The following TMEM87A variants were observed in gnomAD, a reference collection of about 807,000 sequenced individuals.
TMEM87A encodes the protein Golgi-pH regulating cation channel.
A neutral mutation model predicts 90.0 loss-of-function variants in TMEM87A; 50 were observed. The ratio of observed to expected loss-of-function variants is 0.56; its 90% CI spans 0.44 to 0.70. The LOEUF (loss-of-function observed/expected upper bound fraction) is 0.70, where lower values mean the gene tolerates loss of function less well. Ranked by LOEUF, TMEM87A falls within the 30% of genes least tolerant of loss-of-function variation. TMEM87A has a pLI of 0.00. For synonymous variants in TMEM87A, 226 were observed against 226.7 expected (o/e 1.00, Z 0.03); for missense variants, 577 against 660.5 (o/e 0.87, Z 1.39).
At position 42,217,785 on chromosome 15, in the gene TMEM87A, C is replaced by A. The variant is rs201316249; in HGVS notation, c.1626+18G>T. 13 of 1,610,792 alleles carry A rather than the reference C, an allele frequency of 8.1e-6. No individual in the cohort carries two copies. The Admixed American group carries it at 1.7e-4, about 21-fold the overall frequency. Reference sequence around the variant, plus strand: ...AGTCACCATATACATAATTTATGCACGTGAATTGAGTACCAACCTCATCTG... The same window carrying A: ...AGTCACCATATACATAATTTATGCAAGTGAATTGAGTACCAACCTCATCTG... On this transcript the variant is annotated intron_variant, in intron 19 of 19. Transcript: ENST00000389834.
chr15:42,226,950 C>T (rs762655659), intron 14 of TMEM87A, 41 bp from the exon 15 acceptor site: 3 of 1,561,228 alleles, frequency 1.9e-6, no homozygotes, highest in Non-Finnish European at 2.6e-6. Context: ...TACACATTAT[C>T]TTAACCCCTT....
intron 12 of TMEM87A, among the ~76,000 whole-genome samples, chr15:42,230,483 A>G (rs558722726): frequency 1.3e-5 from 2 of 152,230 alleles, no homozygotes; most frequent in African/African-American, 4.8e-5. Flanking sequence ...AACAAATTCA[A>G]TAAGATAAAG....
Position 42,239,746 on chromosome 15 carries a change from T to C in TMEM87A, c.623-15A>G, listed in dbSNP as rs201846305. On this transcript the variant is annotated splice_polypyrimidine_tract_variant and intron_variant, in intron 7 of 19. Coordinates refer to ENST00000389834, the MANE Select transcript of TMEM87A (RefSeq NM_015497.5). ...TTCAACAGTCACTGCCAAAACAGAG[T>C]CCTCAGAATTAATTTACAGGATGCA... 6.2e-7 allele frequency: 1 copy of C among 1,609,440 alleles called. No individual in the cohort carries two copies. Among genetic ancestry groups the C allele is most frequent in the East Asian group, 2.2e-5 (1 of 44,844 alleles).
intron 15 of TMEM87A, chr15:42,226,596 A>T (rs892517575): frequency 3.1e-5 from 16 of 512,834 alleles, no homozygotes; most frequent in Non-Finnish European, 4.9e-5. Flanking sequence ...GTATATAGAA[A>T]GGAAACTAAG....
chr15:42,273,250 C>T lies in TMEM87A; in HGVS notation c.144+5G>A, dbSNP rs555842171. Reference sequence around the variant, plus strand: ...GGTTCAGACGTTAGTGAAGTGAATACTCACCGACGGTATCGGAATGTGCCA... The same window carrying T: ...GGTTCAGACGTTAGTGAAGTGAATATTCACCGACGGTATCGGAATGTGCCA... On this transcript the variant is annotated splice_donor_5th_base_variant and intron_variant, in intron 1 of 19. Coordinates refer to ENST00000389834, the MANE Select transcript of TMEM87A (RefSeq NM_015497.5). 3.0e-5 allele frequency: 48 copies of T among 1,614,114 alleles called. No individual in the cohort carries two copies. In the East Asian group the frequency reaches 1.0e-3, roughly 35 times the overall value.
intron 10 of TMEM87A, among the ~76,000 whole-genome samples, chr15:42,235,707 T>A (rs749922272): frequency 1.3e-4 from 20 of 152,182 alleles, no homozygotes; most frequent in Non-Finnish European, 2.5e-4. Context: ...TTAAATGTCA[T>A]TAAGTGAAGC....
At chr15:42,260,810 C>A in intron 6 of TMEM87A, 148 bp downstream of exon 6, 1 of 795,966 alleles carries the variant, frequency 1.3e-6, no homozygotes, top group South Asian at 2.2e-5. Context: ...ATCCAGAGAT[C>A]CAACCATTTT....
At chr15:42,264,016 G>A (rs1445939860) in intron 4 of TMEM87A, 74 bp downstream of exon 4, 1 of 1,158,160 alleles carries the variant, frequency 8.6e-7, no homozygotes, top group Admixed American at 1.9e-5. Context: ...GAAGTCGGAA[G>A]TGGATACAGC....
intron 15 of TMEM87A, among the ~76,000 whole-genome samples, chr15:42,224,242 C>G (rs924782598): frequency 1.3e-5 from 2 of 152,148 alleles, no homozygotes; most frequent in Non-Finnish European, 2.9e-5. Flanking sequence ...AAGTCAGCAA[C>G]AGAGACAGTA....
chr15:42,214,124 C>CGG (rs200303558), intron 19 of TMEM87A, among the ~76,000 whole-genome samples: 11 of 150,726 alleles, frequency 7.3e-5, no homozygotes, highest in South Asian at 6.3e-4. Flanking sequence ...ATAGAAAATC[C>CGG]GGGGGGGGAA....
intron 6 of TMEM87A, among the ~76,000 whole-genome samples, chr15:42,248,153 A>G (rs1336922687): frequency 1.3e-5 from 2 of 152,200 alleles, no homozygotes; most frequent in East Asian, 1.9e-4. Context: ...ACTTTGCTGA[A>G]GTTGCTTATC....
At chr15:42,254,495 T>C (rs537066800) in intron 6 of TMEM87A, among the ~76,000 whole-genome samples, 142 of 152,274 alleles carry the variant, frequency 9.3e-4, no homozygotes, top group African/African-American at 3.3e-3. Flanking sequence ...CTGTGATATA[T>C]CCAAACAATG....
chr15:42,238,053 T>C (rs983389149), intron 8 of TMEM87A, among the ~76,000 whole-genome samples: 8 of 151,918 alleles, frequency 5.3e-5, no homozygotes, highest in Non-Finnish European at 1.2e-4. Context: ...GTATCACATA[T>C]GTATACCATA....
At chr15:42,273,124 G>A in intron 1 of TMEM87A, 131 bp downstream of exon 1, 2 of 1,188,562 alleles carry the variant, frequency 1.7e-6, no homozygotes, top group East Asian at 2.5e-5. Flanking sequence ...CAGTTGGCTA[G>A]CCACACAGAC....
At chr15:42,257,731 T>C (rs1189070886) in intron 6 of TMEM87A, among the ~76,000 whole-genome samples, 3 of 152,096 alleles carry the variant, frequency 2.0e-5, no homozygotes, top group African/African-American at 7.2e-5. Context: ...ATAGGGGAAA[T>C]TTGGGAACAA....
chr15:42,223,735 C>G (rs1368554467), intron 15 of TMEM87A, among the ~76,000 whole-genome samples: 1 of 152,068 alleles, frequency 6.6e-6, no homozygotes, highest in African/African-American at 2.4e-5. Flanking sequence ...TGAAAATGGA[C>G]AGAGACAATG....
At position 42,217,841 on chromosome 15, in the gene TMEM87A, G is replaced by C. The variant is rs201981860; in HGVS notation, c.1596-8C>G. 4.3e-6 allele frequency: 7 copies of C among 1,611,838 alleles called. No homozygotes were observed. The East Asian group carries it at 1.3e-4, about 31-fold the overall frequency. ...AGAAGGGCTGGAAGTGCTCTGCAAA[G>C]AGAGAGAAATACTAAATTGAACAAT... On this transcript the variant is annotated splice_polypyrimidine_tract_variant and splice_region_variant and intron_variant, in intron 18 of 19. Coordinates refer to ENST00000389834, the MANE Select transcript of TMEM87A (RefSeq NM_015497.5).
Position 42,221,131 on chromosome 15 carries a change from G to A in TMEM87A, c.1404-996C>T, listed in dbSNP as rs528593411. Among the ~76,000 whole-genome samples the A allele has an allele frequency of 2.2e-3, 335 of 152,090 alleles. 1 individual carries two copies. Among genetic ancestry groups the A allele is most frequent in the African/African-American group, 7.5e-3 (313 of 41,484 alleles). ...AAGGTGTGAGCCACCGCGCCTGGCC[G>A]AAAACAACTTTGTCCATCAACTGAT... On this transcript the variant is annotated intron_variant, in intron 15 of 19. Transcript: ENST00000389834.
Position 42,231,180 on chromosome 15 carries a change from T to C in TMEM87A, c.1131+12A>G, listed in dbSNP as rs779691698. ...AATGGACCATCATCAAACAAGCCAA[T>C]GAGAAGGATATCCACCAGCACAAGG... On this transcript the variant is annotated intron_variant, in intron 12 of 19. Transcript: ENST00000389834. The C allele has an allele frequency of 6.3e-7, 1 of 1,592,402 alleles. No individual in the cohort carries two copies. The highest frequency in any genetic ancestry group is 2.3e-5 in the East Asian group (1 of 43,768).
Sources: allele counts gnomAD v4.1 joint callset (sites outside exome capture counted in the v4.1 genomes callset), GRCh38; gene constraint gnomAD v4.1.1; transcripts MANE v1.5; gene names NCBI Gene and HGNC (gene_info 2026-07-23, HGNC 2026-07-21).